Variants in SCML4 observed in about 807,000 individuals in gnomAD.
SCML4 encodes the protein sex comb on midleg-like protein 4.
Under a neutral mutation model 41.1 loss-of-function variants are expected in SCML4, and 34 were observed. The ratio of observed to expected loss-of-function variants is 0.83; its 90% confidence interval spans 0.63 to 1.10. The LOEUF (loss-of-function observed/expected upper bound fraction) is 1.10, where lower values mean the gene tolerates loss of function less well. Ranked by LOEUF, SCML4 falls within the 50% of genes least tolerant of loss-of-function variation. The pLI is 0.00. For synonymous variants in SCML4, 214 were observed against 220.9 expected (o/e 0.97, Z 0.28); for missense variants, 522 against 534.1 (o/e 0.98, Z 0.22).
the SCML4 span, among the ~76,000 whole-genome samples, chr6:107,830,615 G>A: frequency 6.6e-6 from 1 of 152,150 alleles, no homozygotes; most frequent in Admixed American, 6.5e-5. Context: ...AATTATTACT[G>A]AATGAATGAA....
intron 1 of SCML4, among the ~76,000 whole-genome samples, chr6:107,776,090 GA>G (rs1443455619): frequency 6.6e-6 from 1 of 152,078 alleles, no homozygotes; most frequent in Non-Finnish European, 1.5e-5. Flanking sequence ...TCGGAATGGG[GA>G]TGAGCTTTCT....
intron 5 of SCML4, among the ~76,000 whole-genome samples, chr6:107,724,967 A>T (rs967631942): frequency 6.6e-6 from 1 of 152,200 alleles, no homozygotes; most frequent in African/African-American, 2.4e-5. Context: ...ACATGTTCTC[A>T]CCCATATGTG....
chr6:107,764,998 A>C (rs919636725), intron 2 of SCML4, among the ~76,000 whole-genome samples: 2 of 152,154 alleles, frequency 1.3e-5, no homozygotes, highest in Non-Finnish European at 2.9e-5. Flanking sequence ...CTTTTTCTTT[A>C]TAAATTACCC....
At chr6:107,828,301 C>T (rs1785313473), upstream of SCML4, among the ~76,000 whole-genome samples, 1 of 152,196 alleles carries the variant, frequency 6.6e-6, no homozygotes, top group African/African-American at 2.4e-5. Context: ...CATTGACTTT[C>T]TATAACACGG....
rs1212217466 is a variant in SCML4, at chr6:107,711,087, G to T, written c.974-3076C>A. Reference sequence around the variant, plus strand: ...GGCTGCAGTGCAGTGGCATGATCTTGTTCACAGCTCTGTCCTCAGATGTGA... The same window carrying T: ...GGCTGCAGTGCAGTGGCATGATCTTTTTCACAGCTCTGTCCTCAGATGTGA... On this transcript the variant is annotated intron_variant, in intron 6 of 7. Transcript: ENST00000369020. 1.1e-4 allele frequency among the ~76,000 whole-genome samples: 4 copies of T among 35,668 alleles called. 2 individuals are homozygous for T. The highest frequency in any genetic ancestry group is 7.4e-4 in the Admixed American group (2 of 2,714). The allele number at this position is 35,668 out of a possible 152,430, so 23.4% of individuals were successfully genotyped here.
intron 2 of SCML4, among the ~76,000 whole-genome samples, chr6:107,756,120 C>T (rs1244137969): frequency 6.6e-6 from 1 of 152,174 alleles, no homozygotes; most frequent in Non-Finnish European, 1.5e-5. Flanking sequence ...GTAGACACCC[C>T]TCCCTCAAGT....
chr6:107,778,211 AAAAAAAAAAAAATATATATATATAT>A lies in SCML4; in HGVS notation c.-59-5850_-59-5826del, dbSNP rs1168591592. On this transcript the variant is annotated intron_variant, in intron 1 of 7. Coordinates refer to ENST00000369020, the MANE Select transcript of SCML4 (RefSeq NM_198081.5). Reference sequence around the variant, plus strand: ...GACTCTATCTCAAAAAAAAAAAAAAAAAAAAAAAAAAATATATATATATATATATATATATATATATATATATATA... The same window carrying A: ...GACTCTATCTCAAAAAAAAAAAAAAAATATATATATATATATATATATATA... Among the ~76,000 whole-genome samples the A allele has an allele frequency of 2.5e-4, 5 of 20,054 alleles. 1 individual carries two copies. Among genetic ancestry groups the A allele is most frequent in the East Asian group, 0.014 (1 of 72 alleles). The allele number at this position is 20,054 out of a possible 152,430, so 13.2% of individuals were successfully genotyped here.
chr6:107,813,443 C>G (rs1283379580), intron 1 of SCML4, among the ~76,000 whole-genome samples: 2 of 115,668 alleles, frequency 1.7e-5, no homozygotes, highest in Non-Finnish European at 3.5e-5. Context: ...AAATTAAATA[C>G]ATATTAAAAT....
chr6:107,703,568 T>A lies in SCML4; in HGVS notation c.*1632A>T, dbSNP rs1380847692. 6.6e-6 allele frequency among the ~76,000 whole-genome samples: 1 copy of A among 151,966 alleles called. No individual in the cohort carries two copies. Among genetic ancestry groups the A allele is most frequent in the Non-Finnish European group, 1.5e-5 (1 of 67,992 alleles). The stretch of plus-strand genomic sequence containing the variant: ...ATCTGGATTCTAACTATATAGAGGG[T>A]CACTCTGCAGATCTACCCAGGGCTG... On this transcript the variant is annotated 3_prime_UTR_variant, in exon 8 of 8. Coordinates refer to ENST00000369020, the MANE Select transcript of SCML4 (RefSeq NM_198081.5).
At position 107,703,417 on chromosome 6, in the gene SCML4, T is replaced by TCTCTGCCATG. The variant is rs1016426282; in HGVS notation, c.*1773_*1782dup. Among the ~76,000 whole-genome samples, 4 of 152,134 alleles carry TCTCTGCCATG rather than the reference T, an allele frequency of 2.6e-5. No homozygotes were observed. The highest frequency in any genetic ancestry group is 9.7e-5 in the African/African-American group (4 of 41,418). ...GTTTAGTACATTCTCCTCCTCCCCT[T>TCTCTGCCATG]CTCTGCCATGCTCTCAGTCCAGCCG... On this transcript the variant is annotated 3_prime_UTR_variant, in exon 8 of 8. Coordinates refer to ENST00000369020, the MANE Select transcript of SCML4 (RefSeq NM_198081.5).
chr6:107,797,980 T>C (rs1782835616), intron 1 of SCML4, among the ~76,000 whole-genome samples: 1 of 152,052 alleles, frequency 6.6e-6, no homozygotes, highest in African/African-American at 2.4e-5. Flanking sequence ...CAGTAGACTA[T>C]GACATACTAT....
intron 1 of SCML4, among the ~76,000 whole-genome samples, chr6:107,779,120 C>T (rs573592692): frequency 1.1e-3 from 170 of 152,144 alleles, no homozygotes; most frequent in African/African-American, 4.0e-3. Flanking sequence ...GCGGAGCTTG[C>T]AGTGAGACAA....
chr6:107,791,046 G>A (rs1317178246), intron 1 of SCML4, among the ~76,000 whole-genome samples: 4 of 148,126 alleles, frequency 2.7e-5, no homozygotes. Context: ...CTCCAGCCTG[G>A]TCAGCAGAGC....
At chr6:107,837,821 G>A in the SCML4 span, among the ~76,000 whole-genome samples, 15 of 151,932 alleles carry the variant, frequency 9.9e-5, no homozygotes, top group Admixed American at 9.8e-4. Flanking sequence ...CTCCACATAG[G>A]ACAAGCTATT....
intron 1 of SCML4, among the ~76,000 whole-genome samples, chr6:107,773,699 A>C (rs910361650): frequency 2.0e-4 from 31 of 151,788 alleles, no homozygotes; most frequent in African/African-American, 7.5e-4. Context: ...TGGTATCATG[A>C]GTTCAGGGGT....
In SCML4 at chr6:107,786,519, A is replaced by G. The variant is rs571868424; in HGVS notation, c.-59-14133T>C. On this transcript the variant is annotated intron_variant, in intron 1 of 7. Coordinates refer to ENST00000369020, the MANE Select transcript of SCML4 (RefSeq NM_198081.5). The stretch of plus-strand genomic sequence containing the variant: ...ACCCATTTCTATCACAGCACCTACA[A>G]CATGTTATTCTGTTTATTGGCATCC... Among the ~76,000 whole-genome samples, 9 of 152,260 alleles carry G rather than the reference A, an allele frequency of 5.9e-5. No homozygotes were observed. In the East Asian group the frequency reaches 1.7e-3, roughly 29 times the overall value.
intron 1 of SCML4, among the ~76,000 whole-genome samples, chr6:107,819,268 G>A (rs1784777424): frequency 2.0e-5 from 1 of 50,862 alleles, no homozygotes; most frequent in South Asian, 8.8e-4. Context: ...ATGGGAGCCT[G>A]CACATGTCTT....
intron 1 of SCML4, among the ~76,000 whole-genome samples, chr6:107,782,412 G>A (rs1273410446): frequency 6.6e-6 from 1 of 152,222 alleles, no homozygotes; most frequent in Non-Finnish European, 1.5e-5. Flanking sequence ...TCCGGTCCCG[G>A]GGGGCTGAGT....
intron 5 of SCML4, among the ~76,000 whole-genome samples, chr6:107,741,408 G>A (rs1777587107): frequency 2.0e-5 from 3 of 152,188 alleles, no homozygotes; most frequent in Admixed American, 2.0e-4. Flanking sequence ...ACACCATCTT[G>A]GTTTCCATGG....
Sources: gnomAD v4.1 joint callset for allele counts (sites outside exome capture counted in the v4.1 genomes callset) on GRCh38, gnomAD v4.1.1 for gene constraint, MANE v1.5 for transcripts, NCBI Gene and HGNC (gene_info 2026-07-23, HGNC 2026-07-21) for gene names.